The following EYS variants were observed in gnomAD, a reference collection of about 807,000 sequenced individuals.
EYS encodes the protein EGF-like photoreceptor maintenance factor, also known as protein eyes shut homolog.
Under a neutral mutation model 282.1 loss-of-function variants are expected in EYS, and 250 were observed. The observed-to-expected ratio is 0.89, with a 90% CI of 0.80 to 0.98. The LOEUF (loss-of-function observed/expected upper bound fraction) is 0.98. Among genes scored for constraint, EYS ranks in the 50% least tolerant of loss-of-function variants. The probability of loss-of-function intolerance (pLI) is 0.00; values close to 1 mark genes in which losing one functional copy is unlikely to be tolerated. For synonymous variants in EYS, 1,355 were observed against 1,282.9 expected, an observed-to-expected ratio of 1.06 and a Z score of -1.20; for missense variants, 4,016 against 3,709.0, an observed-to-expected ratio of 1.08 and a Z score of -2.15.
chr6:64,338,263 A>T (rs996577656), intron 29 of EYS, among the ~76,000 whole-genome samples: 1 of 151,988 alleles, frequency 6.6e-6, no homozygotes, highest in African/African-American at 2.4e-5. Context: ...CCTAGAACTG[A>T]TGAAGAATTC....
intron 2 of EYS, among the ~76,000 whole-genome samples, chr6:65,574,562 T>G (rs2127355330): frequency 6.6e-6 from 1 of 152,286 alleles, no homozygotes. Flanking sequence ...ATAAATGTAT[T>G]AATTAATCAA....
At chr6:65,321,430 A>T (rs1236435228) in intron 11 of EYS, among the ~76,000 whole-genome samples, 1 of 152,042 alleles carries the variant, frequency 6.6e-6, no homozygotes, top group African/African-American at 2.4e-5. Context: ...CAAGCCAGCT[A>T]GAATAAATAT....
intron 23 of EYS, among the ~76,000 whole-genome samples, chr6:64,621,761 C>T (rs969214347): frequency 6.6e-5 from 10 of 152,148 alleles, no homozygotes; most frequent in Admixed American, 5.9e-4. Context: ...AAGTTTGCAT[C>T]ACCAGCAATA....
chr6:64,968,132 C>T (rs1389880118), intron 14 of EYS, among the ~76,000 whole-genome samples: 1 of 152,096 alleles, frequency 6.6e-6, no homozygotes, highest in Non-Finnish European at 1.5e-5. Context: ...CTAGAGTCCT[C>T]TCAAGAAATA....
chr6:65,693,874 A>G (rs34483511), intron 1 of EYS, among the ~76,000 whole-genome samples: 21,115 of 149,742 alleles, frequency 0.14, 2,620 homozygotes, highest in East Asian at 0.37. Context: ...TGCACAGTAC[A>G]TTGCTGGTTT....
intron 26 of EYS, among the ~76,000 whole-genome samples, chr6:64,579,550 C>A (rs750758748): frequency 1.6e-4 from 25 of 152,090 alleles, no homozygotes; most frequent in Non-Finnish European, 2.8e-4. Flanking sequence ...TCAATGATTT[C>A]TAAAGATGCC....
intron 32 of EYS, among the ~76,000 whole-genome samples, 160 bp downstream of exon 32, chr6:64,081,696 T>C (rs983746763): frequency 2.0e-5 from 3 of 152,208 alleles, no homozygotes; most frequent in Non-Finnish European, 4.4e-5. Flanking sequence ...AAGAAACTTC[T>C]AGAGAAACTA....
intron 22 of EYS, among the ~76,000 whole-genome samples, chr6:64,667,521 T>G (rs954939713): frequency 8.6e-5 from 13 of 151,942 alleles, no homozygotes; most frequent in African/African-American, 2.7e-4. Context: ...GACTTTTTTT[T>G]TTGCTATTTC....
At chr6:65,024,549 A>G (rs1247269248) in intron 13 of EYS, among the ~76,000 whole-genome samples, 3 of 152,188 alleles carry the variant, frequency 2.0e-5, no homozygotes, top group Admixed American at 6.5e-5. Context: ...TGCGTCACGA[A>G]TGTGGTTTAC....
chr6:65,590,235 A>T (rs1342233091), intron 2 of EYS, among the ~76,000 whole-genome samples: 2 of 152,070 alleles, frequency 1.3e-5, no homozygotes, highest in African/African-American at 4.8e-5. Flanking sequence ...CTACCACAGT[A>T]CCCAATGAAG....
intron 30 of EYS, among the ~76,000 whole-genome samples, chr6:64,284,049 C>T (rs1768403928): frequency 6.6e-6 from 1 of 152,142 alleles, no homozygotes; most frequent in African/African-American, 2.4e-5. Context: ...CATGTCTTTA[C>T]ATTTCAAAAC....
chr6:65,665,028 C>T (rs1389331919), intron 1 of EYS, among the ~76,000 whole-genome samples: 1 of 152,070 alleles, frequency 6.6e-6, no homozygotes, highest in Non-Finnish European at 1.5e-5. Flanking sequence ...GTTAAATGTA[C>T]CCAGTTTCCT....
At chr6:64,816,623 T>C (rs1246217828) in intron 21 of EYS, among the ~76,000 whole-genome samples, 1 of 152,122 alleles carries the variant, frequency 6.6e-6, no homozygotes, top group Non-Finnish European at 1.5e-5. Context: ...GAGAACATAA[T>C]GGCATTTATT....
At chr6:64,491,338 A>T (rs1776732592) in intron 26 of EYS, among the ~76,000 whole-genome samples, 1 of 150,962 alleles carries the variant, frequency 6.6e-6, no homozygotes, top group South Asian at 2.1e-4. Context: ...TAGAAAAAAA[A>T]ATCTTTAAAC....
At chr6:65,662,762 C>T (rs16897022) in intron 1 of EYS, among the ~76,000 whole-genome samples, 7,608 of 152,042 alleles carry the variant, frequency 0.05, 446 homozygotes, top group East Asian at 0.33. Context: ...TATCTGCTAG[C>T]ATTATCTGGA....
At chr6:63,980,351 G>C (rs1014586632) in intron 35 of EYS, among the ~76,000 whole-genome samples, 1 of 151,710 alleles carries the variant, frequency 6.6e-6, no homozygotes, top group Non-Finnish European at 1.5e-5. Flanking sequence ...CTTTCAATTA[G>C]AGTCCTGGCC....
At chr6:65,694,713 C>T (rs1021358902) in intron 1 of EYS, among the ~76,000 whole-genome samples, 11 of 141,670 alleles carry the variant, frequency 7.8e-5, no homozygotes, top group African/African-American at 2.6e-4. Flanking sequence ...TAACTAGCAA[C>T]GAGGTAAACC....
chr6:64,047,192 C>A (rs905811741), intron 33 of EYS, among the ~76,000 whole-genome samples: 7 of 144,858 alleles, frequency 4.8e-5, no homozygotes, highest in Admixed American at 1.4e-4. Context: ...AAAAAAAAAA[C>A]AAGATAAAAT....
intron 31 of EYS, among the ~76,000 whole-genome samples, chr6:64,129,014 A>C (rs906234742): frequency 6.6e-6 from 1 of 152,160 alleles, no homozygotes; most frequent in Non-Finnish European, 1.5e-5. Flanking sequence ...CCCTCTGGTC[A>C]AGTCTTGCCC....
Sources: gnomAD v4.1 joint callset for allele counts (sites outside exome capture counted in the v4.1 genomes callset) on GRCh38, gnomAD v4.1.1 for gene constraint, MANE v1.5 for transcripts, NCBI Gene and HGNC (gene_info 2026-07-23, HGNC 2026-07-21) for gene names.